IGSF11: variants seen among roughly 807,000 people sequenced by gnomAD.
The protein encoded by IGSF11 is immunoglobulin superfamily member 11, also known as CXADR like 1.
IGSF11 carries 22 observed loss-of-function variants against 41.0 expected under a neutral mutation model. The ratio of observed to expected loss-of-function variants is 0.54; its 90% CI spans 0.38 to 0.77. IGSF11 has a LOEUF of 0.77. Ranked by LOEUF, IGSF11 falls within the 30% of genes least tolerant of loss-of-function variation. The pLI, the probability that IGSF11 is intolerant of heterozygous loss-of-function variation, is 0.00. For missense variants in IGSF11, 444 were observed against 530.8 expected, an observed-to-expected ratio of 0.84 and a Z score of 1.61; for synonymous variants, 219 against 201.3, an observed-to-expected ratio of 1.09 and a Z score of -0.74.
At chr3:119,060,944 G>T (rs1427823132) in intron 1 of IGSF11, among the ~76,000 whole-genome samples, 2 of 152,028 alleles carry the variant, frequency 1.3e-5, no homozygotes, top group African/African-American at 2.4e-5. Context: ...TTTATATTTT[G>T]TAAACATGAA....
intron 1 of IGSF11, among the ~76,000 whole-genome samples, chr3:118,993,178 T>C (rs1935950337): frequency 6.6e-6 from 1 of 152,154 alleles, no homozygotes; most frequent in South Asian, 2.1e-4. Context: ...CAGTGAGCTT[T>C]GATGGTGCCA....
At chr3:119,025,836 A>G (rs190910013) in intron 1 of IGSF11, among the ~76,000 whole-genome samples, 2 of 152,300 alleles carry the variant, frequency 1.3e-5, no homozygotes, top group Admixed American at 6.5e-5. Flanking sequence ...ATGATCACTA[A>G]AACATTATGA....
rs188615471 is a variant in IGSF11 at position 118,966,351 on chromosome 3, G to A, written c.53-36076C>T. Reference sequence around the variant, plus strand: ...ATATGTTTTCAGTATAAAGTCACATGGCTCTTTTGTGGCAGAACTGAGGTG... The same window carrying A: ...ATATGTTTTCAGTATAAAGTCACATAGCTCTTTTGTGGCAGAACTGAGGTG... On this transcript the variant is annotated intron_variant, in intron 1 of 6. Transcript: ENST00000393775. Among the ~76,000 whole-genome samples, 12 of 152,226 alleles carry A rather than the reference G, an allele frequency of 7.9e-5. No homozygotes were observed. The East Asian group carries it at 2.3e-3, about 29-fold the overall frequency.
chr3:119,047,331 G>C (rs530102527), intron 1 of IGSF11, among the ~76,000 whole-genome samples: 2 of 152,172 alleles, frequency 1.3e-5, no homozygotes, highest in East Asian at 1.9e-4. Context: ...AACTAAAAAA[G>C]GCAGGAGTTG....
rs898498883 is a variant in IGSF11, at chr3:118,901,008, G to A, written c.*1512C>T. 1 of 152,576 alleles carries A rather than the reference G, an allele frequency of 6.6e-6. No individual in the cohort carries two copies. The highest frequency in any genetic ancestry group is 2.1e-4 in the South Asian group (1 of 4,820). 9.5% of individuals were successfully genotyped at this position (152,576 alleles called of 1,614,324 possible). A position where few individuals can be genotyped will look rare whatever the true frequency, so the allele number is the denominator to read the frequency against. ...TGAAGACTACGCTTGCAGGAGAAGA[G>A]AGCAAAAAGTATGGTGGTAAGAGGG... On this transcript the variant is annotated 3_prime_UTR_variant, in exon 7 of 7. Coordinates refer to ENST00000393775, the MANE Select transcript of IGSF11 (RefSeq NM_001015887.3).
At chr3:119,016,560 C>T (rs552876694) in intron 1 of IGSF11, among the ~76,000 whole-genome samples, 1 of 152,120 alleles carries the variant, frequency 6.6e-6, no homozygotes, top group Admixed American at 6.5e-5. Flanking sequence ...AGATTATATG[C>T]ATAACAGAGC....
intron 1 of IGSF11, among the ~76,000 whole-genome samples, chr3:119,123,583 C>T (rs1237471461): frequency 6.6e-6 from 1 of 152,208 alleles, no homozygotes; most frequent in Non-Finnish European, 1.5e-5. Flanking sequence ...AAGTATGATG[C>T]ACTGCAGCAG....
chr3:119,089,039 C>CA (rs1281644268), intron 1 of IGSF11, among the ~76,000 whole-genome samples: 2 of 151,980 alleles, frequency 1.3e-5, no homozygotes, highest in Admixed American at 6.6e-5. Context: ...TGAAACTATT[C>CA]AAAAAAATCG....
At chr3:119,074,293 A>G (rs1467417547) in intron 1 of IGSF11, among the ~76,000 whole-genome samples, 1 of 152,216 alleles carries the variant, frequency 6.6e-6, no homozygotes, top group East Asian at 1.9e-4. Flanking sequence ...ATTTAAAAAA[A>G]TAGAAATAAC....
At chr3:119,014,457 C>T (rs1416870036) in intron 1 of IGSF11, among the ~76,000 whole-genome samples, 2 of 152,148 alleles carry the variant, frequency 1.3e-5, no homozygotes, top group African/African-American at 4.8e-5. Flanking sequence ...ATGGGACATA[C>T]ACATTTTTCT....
intron 1 of IGSF11, among the ~76,000 whole-genome samples, chr3:119,011,174 C>A (rs1308592145): frequency 6.6e-6 from 1 of 152,152 alleles, no homozygotes; most frequent in Non-Finnish European, 1.5e-5. Flanking sequence ...GTGGAAGTGA[C>A]TGGCGTGGGG....
intron 1 of IGSF11, among the ~76,000 whole-genome samples, chr3:118,941,842 T>C (rs1943722561): frequency 6.6e-6 from 1 of 152,210 alleles, no homozygotes. Context: ...TTAAAGCTAT[T>C]GTGCTAAGTG....
chr3:119,019,155 T>A (rs1174834167), intron 1 of IGSF11, among the ~76,000 whole-genome samples: 1 of 152,004 alleles, frequency 6.6e-6, no homozygotes, highest in African/African-American at 2.4e-5. Flanking sequence ...GTATATCAGC[T>A]TAAGTTAAAA....
chr3:119,061,428 T>C (rs918643156), intron 1 of IGSF11, among the ~76,000 whole-genome samples: 2 of 152,154 alleles, frequency 1.3e-5, no homozygotes, highest in Non-Finnish European at 2.9e-5. Context: ...ATGTGCAACC[T>C]GGAAGCATAG....
At chr3:119,077,757 T>A (rs182156549) in intron 1 of IGSF11, among the ~76,000 whole-genome samples, 7 of 152,320 alleles carry the variant, frequency 4.6e-5, no homozygotes, top group Middle Eastern at 3.4e-3. Context: ...TTTACAATGA[T>A]GTGATTCTAT....
intron 1 of IGSF11, among the ~76,000 whole-genome samples, chr3:119,144,342 C>T (rs2107552659): frequency 6.6e-6 from 1 of 152,278 alleles, no homozygotes; most frequent in South Asian, 2.1e-4. Context: ...TTCCACCCAA[C>T]AAAAGCAAAT....
chr3:119,139,420 T>C (rs1332022783), intron 1 of IGSF11, among the ~76,000 whole-genome samples: 2 of 152,212 alleles, frequency 1.3e-5, no homozygotes, highest in African/African-American at 4.8e-5. Context: ...TCCCACGTGT[T>C]GTAGGAGGTA....
intron 4 of IGSF11, among the ~76,000 whole-genome samples, chr3:118,924,928 TC>T (rs1942157666): frequency 6.6e-6 from 1 of 152,144 alleles, no homozygotes; most frequent in Admixed American, 6.6e-5. Flanking sequence ...TTTCAGTATG[TC>T]AAGACAAGGG....
intron 1 of IGSF11, among the ~76,000 whole-genome samples, chr3:119,121,211 A>G (rs1253889246): frequency 6.6e-6 from 1 of 152,194 alleles, no homozygotes; most frequent in Non-Finnish European, 1.5e-5. Context: ...CAACTAATAG[A>G]AAATATCCAT....
Sources: allele counts gnomAD v4.1 joint callset (sites outside exome capture counted in the v4.1 genomes callset), GRCh38; gene constraint gnomAD v4.1.1; transcripts MANE v1.5; gene names NCBI Gene and HGNC (gene_info 2026-07-23, HGNC 2026-07-21).